The following OCA2 variants were observed in gnomAD, a reference collection of about 807,000 sequenced individuals.
OCA2 encodes P protein.
A neutral mutation model predicts 100.2 loss-of-function variants in OCA2; 77 were observed. The ratio of observed to expected loss-of-function variants is 0.77; its 90% CI spans 0.64 to 0.93. OCA2 has a LOEUF of 0.93. OCA2 is among the 40% of genes least tolerant of loss of function. The pLI is 0.00. For missense variants in OCA2, 1,062 were observed against 1,089.1 expected (o/e 0.98, Z 0.35); for synonymous variants, 432 against 439.2 (o/e 0.98, Z 0.21).
At chr15:27,812,451 T>C (rs867187806) in intron 23 of OCA2, among the ~76,000 whole-genome samples, 1 of 152,106 alleles carries the variant, frequency 6.6e-6, no homozygotes, top group African/African-American at 2.4e-5. Flanking sequence ...GGTGGCAGTT[T>C]CTCCAGGGAA....
intron 23 of OCA2, among the ~76,000 whole-genome samples, chr15:27,793,171 G>T (rs1566967279): frequency 6.6e-6 from 1 of 152,232 alleles, no homozygotes; most frequent in Non-Finnish European, 1.5e-5. Flanking sequence ...GCTACTCAAA[G>T]CCGGCATCAT....
At chr15:27,810,011 T>A (rs1354155119) in intron 23 of OCA2, among the ~76,000 whole-genome samples, 3 of 152,164 alleles carry the variant, frequency 2.0e-5, no homozygotes, top group African/African-American at 4.8e-5. Flanking sequence ...AGAATTTTTT[T>A]AAAATCCTAA....
intron 14 of OCA2, among the ~76,000 whole-genome samples, chr15:27,980,669 C>T (rs977290886): frequency 6.6e-6 from 1 of 152,168 alleles, no homozygotes; most frequent in African/African-American, 2.4e-5. Context: ...TCTGAGATCA[C>T]AGGTGTTTTC....
At chr15:27,810,444 T>C (rs1273855018) in intron 23 of OCA2, among the ~76,000 whole-genome samples, 1 of 152,236 alleles carries the variant, frequency 6.6e-6, no homozygotes, top group African/African-American at 2.4e-5. Context: ...GACATTGGCC[T>C]GGGCAAAGAA....
At chr15:27,771,617 T>C (rs1364008516) in intron 23 of OCA2, among the ~76,000 whole-genome samples, 2 of 152,224 alleles carry the variant, frequency 1.3e-5, no homozygotes, top group Non-Finnish European at 2.9e-5. Context: ...CCAAAGACAG[T>C]ATCCATTGGT....
chr15:28,002,504 T>C (rs992261849), intron 9 of OCA2, among the ~76,000 whole-genome samples: 3 of 152,164 alleles, frequency 2.0e-5, no homozygotes, highest in Admixed American at 1.3e-4. Context: ...ATCCCATCAC[T>C]GGCTCCTGCA....
chr15:27,851,000 C>G (rs1567022414), intron 22 of OCA2, among the ~76,000 whole-genome samples: 1 of 152,176 alleles, frequency 6.6e-6, no homozygotes, highest in Non-Finnish European at 1.5e-5. Context: ...TTAGAGTCTC[C>G]CCTTCTAGCT....
chr15:27,893,705 C>T (rs2037562974), intron 19 of OCA2, among the ~76,000 whole-genome samples: 1 of 152,142 alleles, frequency 6.6e-6, no homozygotes, highest in Non-Finnish European at 1.5e-5. Context: ...AAAAACTCCA[C>T]CCTGGTAAAT....
At chr15:27,962,806 G>GC (rs1487619964) in intron 15 of OCA2, among the ~76,000 whole-genome samples, 1 of 152,038 alleles carries the variant, frequency 6.6e-6, no homozygotes, top group Non-Finnish European at 1.5e-5. Flanking sequence ...AAATTCAATC[G>GC]CATCACTAAG....
In OCA2 at chr15:27,755,250, C is replaced by T. The variant is rs779798260; in HGVS notation, c.*138G>A. 6.7e-5 allele frequency: 47 copies of T among 697,070 alleles called. No homozygotes were observed. Among genetic ancestry groups the T allele is most frequent in the Admixed American group, 1.0e-4 (5 of 49,200 alleles). The allele number at this position is 697,070 out of a possible 1,614,324, so 43.2% of individuals were successfully genotyped here. The stretch of plus-strand genomic sequence containing the variant: ...TGAATTAGAGTGTTAGTGTCAAGGT[C>T]TATTCCACTGTGTCTCTGTAGCATC... On this transcript the variant is annotated 3_prime_UTR_variant, in exon 24 of 24. Transcript: ENST00000354638.
intron 2 of OCA2, 119 bp from the exon 3 acceptor site, chr15:28,032,282 A>G (rs2042928010): frequency 4.7e-6 from 4 of 843,002 alleles, no homozygotes; most frequent in Non-Finnish European, 8.0e-6. Context: ...TTACAAGGAA[A>G]TTTGCCTAAG....
chr15:28,070,256 A>C, intron 2 of OCA2, among the ~76,000 whole-genome samples: 2 of 127,720 alleles, frequency 1.6e-5, no homozygotes, highest in Admixed American at 7.4e-5. Flanking sequence ...CAGCCACCCC[A>C]TCTGGGAAGT....
At chr15:27,973,103 G>A (rs1483780792) in intron 14 of OCA2, among the ~76,000 whole-genome samples, 1 of 151,892 alleles carries the variant, frequency 6.6e-6, no homozygotes, top group Non-Finnish European at 1.5e-5. Context: ...CTCCTGACCT[G>A]AAGTGATCCT....
At chr15:27,984,290 G>A (rs1401429804) in intron 13 of OCA2, among the ~76,000 whole-genome samples, 1 of 152,128 alleles carries the variant, frequency 6.6e-6, no homozygotes, top group Non-Finnish European at 1.5e-5. Context: ...ACCAGTGCCT[G>A]GGAGTGGGCC....
At chr15:27,931,424 T>C (rs2039245991) in intron 18 of OCA2, among the ~76,000 whole-genome samples, 1 of 152,172 alleles carries the variant, frequency 6.6e-6, no homozygotes, top group African/African-American at 2.4e-5. Context: ...AACCTTTGCC[T>C]CCCAGGTTCA....
At chr15:27,952,012 G>A (rs1012214862) in intron 17 of OCA2, 120 bp from the exon 18 acceptor site, 14 of 759,616 alleles carry the variant, frequency 1.8e-5, no homozygotes, top group African/African-American at 3.5e-5. Context: ...GTAACCTCTC[G>A]AACTTGAAAG....
intron 2 of OCA2, among the ~76,000 whole-genome samples, chr15:28,077,064 T>G (rs1207596318): frequency 4.6e-5 from 7 of 151,212 alleles, no homozygotes; most frequent in Non-Finnish European, 1.0e-4. Context: ...TAATTTGTTT[T>G]TTTTTTTTTT....
At chr15:27,753,597 C>T (rs910214075), downstream of OCA2, among the ~76,000 whole-genome samples, 2 of 151,910 alleles carry the variant, frequency 1.3e-5, no homozygotes, top group East Asian at 2.0e-4. Context: ...ATTAGCCAGG[C>T]GTGGTGGCGG....
At chr15:27,724,214 C>T in the OCA2 span, among the ~76,000 whole-genome samples, 1 of 152,102 alleles carries the variant, frequency 6.6e-6, no homozygotes, top group Non-Finnish European at 1.5e-5. Flanking sequence ...GTCATACAGC[C>T]GACTTTTATT....
Sources: allele counts gnomAD v4.1 joint callset (sites outside exome capture counted in the v4.1 genomes callset), GRCh38; gene constraint gnomAD v4.1.1; transcripts MANE v1.5; gene names NCBI Gene and HGNC (gene_info 2026-07-23, HGNC 2026-07-21).